Variants in RADX observed in about 807,000 individuals in gnomAD.
RADX encodes the protein RPA1 related single stranded DNA binding protein, X-linked, also known as RPA-related protein RADX.
In RADX, 36 loss-of-function variants were observed where a neutral mutation model predicts 61.6. The ratio of observed to expected loss-of-function variants is 0.58; its 90% CI spans 0.45 to 0.77. RADX has a LOEUF of 0.77. Ranked by LOEUF, RADX falls within the 30% of genes least tolerant of loss-of-function variation. The pLI is 0.00. For missense variants in RADX, 497 were observed against 651.1 expected, an observed-to-expected ratio of 0.76 and a Z score of 2.58; for synonymous variants, 272 against 237.9, an observed-to-expected ratio of 1.14 and a Z score of -1.32.
intron 11 of RADX, among the ~76,000 whole-genome samples, chrX:106,660,275 T>C (rs1383445664): frequency 3.6e-5 from 4 of 112,093 alleles, no homozygotes; most frequent in African/African-American, 9.7e-5. Context: ...ATTTGTGTGT[T>C]CATCAACTGA....
intron 12 of RADX, among the ~76,000 whole-genome samples, chrX:106,668,033 A>G (rs1021278707): frequency 1.8e-5 from 2 of 111,987 alleles, no homozygotes; most frequent in Admixed American, 1.9e-4. Context: ...GGAAAATTCT[A>G]GATAACATGA....
intron 11 of RADX, among the ~76,000 whole-genome samples, chrX:106,659,364 G>A (rs1286098469): frequency 9.0e-6 from 1 of 111,579 alleles, no homozygotes; most frequent in Non-Finnish European, 1.9e-5. Flanking sequence ...CGTTTGAACT[G>A]CATTCTTTTT....
At chrX:106,630,333 A>C (rs1394489657) in intron 3 of RADX, among the ~76,000 whole-genome samples, 3 of 106,484 alleles carry the variant, frequency 2.8e-5, no homozygotes, top group African/African-American at 1.1e-4. Context: ...CAACTACAAA[A>C]AAACAAACAA....
chrX:106,668,496 T>C (rs1452097265), intron 12 of RADX, among the ~76,000 whole-genome samples: 1 of 112,096 alleles, frequency 8.9e-6, no homozygotes, highest in Non-Finnish European at 1.9e-5. Context: ...TCTTCTCTGT[T>C]TATTTAAATG....
chrX:106,649,434 T>C (rs1927742190), intron 11 of RADX, among the ~76,000 whole-genome samples: 1 of 111,831 alleles, frequency 8.9e-6, no homozygotes, highest in South Asian at 3.7e-4. Flanking sequence ...ATTCTTCAGC[T>C]TGTCAGCTTG....
intron 1 of RADX, among the ~76,000 whole-genome samples, chrX:106,616,959 C>A (rs761320005): frequency 1.2e-3 from 133 of 108,548 alleles, no homozygotes; most frequent in African/African-American, 4.2e-3. Flanking sequence ...TATCTTTAAA[C>A]CCCTCTCTTT....
chrX:106,668,410 T>C (rs1928281270), intron 12 of RADX, among the ~76,000 whole-genome samples: 1 of 112,332 alleles, frequency 8.9e-6, no homozygotes, highest in African/African-American at 3.2e-5. Context: ...TGTTTACGCT[T>C]ACTCTAGCCA....
In RADX at chrX:106,667,304, G is replaced by GGTTT. The variant is rs111939588; in HGVS notation, c.2270-1834_2270-1831dup. On this transcript the variant is annotated intron_variant, in intron 12 of 13. Coordinates refer to ENST00000372548, the MANE Select transcript of RADX (RefSeq NM_018015.6). ...AAACGTTTGTACTTTGAACTCTAGT[G>GGTTT]GTTTGTTTGTTTGTTTGTTTGTTTG... Among the ~76,000 whole-genome samples the GGTTT allele has an allele frequency of 1.1e-3, 123 of 110,629 alleles. No homozygotes were observed. In the Middle Eastern group the frequency reaches 0.019, roughly 17 times the overall value.
chrX:106,623,403 A>G (rs1459514142), intron 2 of RADX, among the ~76,000 whole-genome samples: 1 of 111,430 alleles, frequency 9.0e-6, no homozygotes, highest in Admixed American at 9.6e-5. Flanking sequence ...ACTTAATATT[A>G]TATTGTACTT....
chrX:106,629,436 T>A (rs188591018), intron 3 of RADX, among the ~76,000 whole-genome samples: 1 of 111,975 alleles, frequency 8.9e-6, no homozygotes, highest in East Asian at 2.8e-4. Flanking sequence ...AATATCTTCA[T>A]CCTGGTTTAA....
At chrX:106,640,447 C>G in intron 9 of RADX, 105 bp from the exon 10 acceptor site, 2 of 515,898 alleles carry the variant, frequency 3.9e-6, no homozygotes, top group Non-Finnish European at 6.1e-6. Flanking sequence ...GAAGTTTTGC[C>G]AGAACTGTTG....
intron 7 of RADX, 97 bp downstream of exon 7, chrX:106,636,744 A>G: frequency 2.4e-6 from 1 of 414,400 alleles, no homozygotes; most frequent in Non-Finnish European, 4.0e-6. Context: ...ATTCAACTAC[A>G]AGATAGCTTT....
rs766438827 is a variant in RADX, at chrX:106,620,865, A to G, written c.644-1786A>G. On this transcript the variant is annotated intron_variant, in intron 1 of 13. Coordinates refer to ENST00000372548, the MANE Select transcript of RADX (RefSeq NM_018015.6). Reference sequence around the variant, plus strand: ...TTACACAAATTCTTCATTGTCTGTAAACAGCCTCTAATTCTTTTTTAGATT... The same window carrying G: ...TTACACAAATTCTTCATTGTCTGTAGACAGCCTCTAATTCTTTTTTAGATT... Among the ~76,000 whole-genome samples the G allele has an allele frequency of 2.7e-5, 3 of 112,146 alleles. No individual in the cohort carries two copies. In the South Asian group the frequency reaches 1.1e-3, roughly 42 times the overall value.
At chrX:106,637,550 T>C (rs1927388778) in intron 7 of RADX, among the ~76,000 whole-genome samples, 1 of 111,989 alleles carries the variant, frequency 8.9e-6, no homozygotes, top group South Asian at 3.8e-4. Context: ...TAAACTCTAA[T>C]ACACAGTGTG....
intron 13 of RADX, among the ~76,000 whole-genome samples, chrX:106,670,726 C>T (rs922421916): frequency 1.2e-4 from 13 of 110,033 alleles, no homozygotes; most frequent in African/African-American, 3.9e-4. Context: ...ACAGCTAATC[C>T]TAATAAGAAT....
At chrX:106,628,979 A>T (rs1927141268) in intron 3 of RADX, among the ~76,000 whole-genome samples, 1 of 112,194 alleles carries the variant, frequency 8.9e-6, no homozygotes, top group Non-Finnish European at 1.9e-5. Context: ...ATCTATAAAG[A>T]TGGAAATTCT....
At position 106,625,361 on chromosome X, in the gene RADX, A is replaced by G. The variant is rs999971135; in HGVS notation, c.979+79A>G. 28 of 671,554 alleles carry G rather than the reference A, an allele frequency of 4.2e-5. No homozygotes were observed. In the Admixed American group the frequency reaches 7.3e-4, roughly 17 times the overall value. 55.3% of individuals were successfully genotyped at this position (671,554 alleles called of 1,213,427 possible). A position where few individuals can be genotyped will look rare whatever the true frequency, so the allele number is the denominator to read the frequency against. On this transcript the variant is annotated intron_variant, in intron 3 of 13. Transcript: ENST00000372548. ...GCAATGTACCATATTAGGAAAAAAG[A>G]CCACAAAAATTACTGAAGCTGTTAG...
intron 12 of RADX, among the ~76,000 whole-genome samples, chrX:106,668,686 C>T (rs943566844): frequency 4.5e-5 from 5 of 111,461 alleles, no homozygotes; most frequent in Admixed American, 9.5e-5. Flanking sequence ...GGTGAGTGTG[C>T]GAACCTTGTC....
chrX:106,675,079 C>A lies in RADX; in HGVS notation c.2438-3049C>A, dbSNP rs185938673. The stretch of plus-strand genomic sequence containing the variant: ...AGCTTCATATTTTTTTCCAAATAGC[C>A]ATTTATCCCAAGTCATTTATTGAAT... On this transcript the variant is annotated intron_variant, in intron 13 of 13. Transcript: ENST00000372548. 2.2e-4 allele frequency among the ~76,000 whole-genome samples: 24 copies of A among 110,602 alleles called. No homozygotes were observed. The East Asian group carries it at 6.8e-3, about 31-fold the overall frequency.
Sources: allele counts gnomAD v4.1 joint callset (sites outside exome capture counted in the v4.1 genomes callset), GRCh38; gene constraint gnomAD v4.1.1; transcripts MANE v1.5; gene names NCBI Gene and HGNC (gene_info 2026-07-23, HGNC 2026-07-21).